The following TMEM232 variants were observed in gnomAD, a reference collection of about 807,000 sequenced individuals.
TMEM232 encodes the protein transmembrane protein 232.
A neutral mutation model predicts 78.8 loss-of-function variants in TMEM232; 80 were observed. That is an observed-to-expected ratio of 1.01 (90% CI 0.85 to 1.22). The LOEUF is 1.22. TMEM232 is among the 50% of genes most tolerant of loss of function. The pLI, the probability that TMEM232 is intolerant of heterozygous loss-of-function variation, is 0.00. For synonymous variants in TMEM232, 297 were observed against 254.3 expected (o/e 1.17, Z -1.60); for missense variants, 881 against 742.2 (o/e 1.19, Z -2.17).
intron 3 of TMEM232, among the ~76,000 whole-genome samples, chr5:110,392,359 A>G (rs991317945): frequency 1.3e-5 from 2 of 152,244 alleles, no homozygotes; most frequent in Non-Finnish European, 2.9e-5. Context: ...GTAAACGGAT[A>G]AAAATGATTT....
intron 11 of TMEM232, among the ~76,000 whole-genome samples, chr5:110,554,715 ATAGT>A: frequency 6.6e-6 from 1 of 152,126 alleles, no homozygotes; most frequent in Non-Finnish European, 1.5e-5. Context: ...ATTTTTTGGA[ATAGT>A]TTCAATATGA....
chr5:110,513,005 A>C (rs1581013405), intron 12 of TMEM232, among the ~76,000 whole-genome samples: 1 of 152,222 alleles, frequency 6.6e-6, no homozygotes, highest in Non-Finnish European at 1.5e-5. Flanking sequence ...TATAAGCATA[A>C]AGCTATGGCA....
intron 12 of TMEM232, among the ~76,000 whole-genome samples, chr5:110,500,721 AG>A (rs751913506): frequency 1.3e-5 from 2 of 152,206 alleles, no homozygotes; most frequent in East Asian, 1.9e-4. Flanking sequence ...GAATAATGAC[AG>A]CAAATTTTCA....
chr5:110,531,741 C>T (rs552356336), intron 11 of TMEM232, among the ~76,000 whole-genome samples: 3 of 152,242 alleles, frequency 2.0e-5, no homozygotes, highest in South Asian at 2.1e-4. Flanking sequence ...AATCAGATAG[C>T]GTTTAGGCTC....
At chr5:110,529,406 T>C (rs1470879943) in intron 11 of TMEM232, among the ~76,000 whole-genome samples, 2 of 152,058 alleles carry the variant, frequency 1.3e-5, no homozygotes, top group African/African-American at 2.4e-5. Flanking sequence ...CCATCACTCC[T>C]GGCTAATTTT....
At chr5:110,700,867 C>T (rs1419371732) in intron 1 of TMEM232, among the ~76,000 whole-genome samples, 1 of 151,790 alleles carries the variant, frequency 6.6e-6, no homozygotes, top group Non-Finnish European at 1.5e-5. Context: ...GACACAAGAG[C>T]TACCTTTTCT....
intron 11 of TMEM232, among the ~76,000 whole-genome samples, chr5:110,556,312 C>G (rs528400443): frequency 2.6e-5 from 4 of 151,408 alleles, no homozygotes; most frequent in Admixed American, 6.6e-5. Context: ...TCCTTCCTTC[C>G]TTTCTTCTTT....
At chr5:110,660,597 G>A (rs1226975563) in intron 2 of TMEM232, among the ~76,000 whole-genome samples, 2 of 151,984 alleles carry the variant, frequency 1.3e-5, no homozygotes, top group African/African-American at 2.4e-5. Flanking sequence ...TATAAAACAC[G>A]TAAGGTAGAA....
intron 11 of TMEM232, among the ~76,000 whole-genome samples, chr5:110,529,096 A>T (rs1771045117): frequency 6.6e-6 from 1 of 152,172 alleles, no homozygotes. Flanking sequence ...TTTTATTTTA[A>T]ATTTGATATA....
intron 12 of TMEM232, among the ~76,000 whole-genome samples, chr5:110,468,876 A>G (rs1443434063): frequency 6.6e-6 from 1 of 152,204 alleles, no homozygotes; most frequent in African/African-American, 2.4e-5. Flanking sequence ...AGAGTACTGG[A>G]ATATGTCAAA....
At chr5:110,657,166 C>A (rs1456379995) in intron 2 of TMEM232, among the ~76,000 whole-genome samples, 1 of 152,094 alleles carries the variant, frequency 6.6e-6, no homozygotes, top group Non-Finnish European at 1.5e-5. Flanking sequence ...TACGTTAGTA[C>A]AGCCATAATG....
At chr5:110,410,352 T>C (rs1013723347) in intron 2 of TMEM232, among the ~76,000 whole-genome samples, 28 of 152,232 alleles carry the variant, frequency 1.8e-4, no homozygotes, top group Non-Finnish European at 1.0e-4. Context: ...TCTCTCACTT[T>C]CCACAAATGT....
chr5:110,553,634 T>C (rs1774727254), intron 11 of TMEM232, among the ~76,000 whole-genome samples: 2 of 152,176 alleles, frequency 1.3e-5, no homozygotes, highest in South Asian at 2.1e-4. Context: ...AAATAGACTA[T>C]GGGGTTTTCT....
At chr5:110,456,453 T>C (rs1394413170) in intron 12 of TMEM232, among the ~76,000 whole-genome samples, 2 of 152,100 alleles carry the variant, frequency 1.3e-5, no homozygotes, top group Admixed American at 6.5e-5. Flanking sequence ...GTAAATATTG[T>C]GAAGATGTCA....
In TMEM232 at chr5:110,690,090, A is replaced by G. The variant is rs187347054; in HGVS notation, c.-12-22726T>C. Among the ~76,000 whole-genome samples, 690 of 152,296 alleles carry G rather than the reference A, an allele frequency of 4.5e-3. 6 individuals are homozygous for G. Among genetic ancestry groups the G allele is most frequent in the African/African-American group, 0.016 (654 of 41,570 alleles). On this transcript the variant is annotated intron_variant, in intron 1 of 13. Coordinates refer to ENST00000455884, the MANE Select transcript of TMEM232 (RefSeq NM_001039763.4). ...CATAGGCATGGGCAAAGGCTTCATG[A>G]CTAAAACACCAAAAGCAATGGCAAC...
intron 10 of TMEM232, among the ~76,000 whole-genome samples, chr5:110,591,702 G>GAAAAATTAAAT: frequency 6.6e-6 from 1 of 151,944 alleles, no homozygotes; most frequent in Non-Finnish European, 1.5e-5. Flanking sequence ...TAAATGCTTT[G>GAAAAATTAAAT]ATCTAGGATT....
rs1222597067 is a variant in TMEM232, at chr5:110,627,303, A to C, written c.601+478T>G. On this transcript the variant is annotated intron_variant, in intron 6 of 13. Transcript: ENST00000455884. The stretch of plus-strand genomic sequence containing the variant: ...ATTCAGGGAGGTAGATACTATTACA[A>C]ATAAGAAAACTGAGTCACAAAAAAG... 2.0e-5 allele frequency among the ~76,000 whole-genome samples: 3 copies of C among 152,050 alleles called. No homozygotes were observed. In the East Asian group the frequency reaches 5.8e-4, roughly 29 times the overall value.
At chr5:110,490,043 G>C (rs1324213892) in intron 12 of TMEM232, among the ~76,000 whole-genome samples, 3 of 151,672 alleles carry the variant, frequency 2.0e-5, no homozygotes, top group African/African-American at 7.3e-5. Context: ...AGAATTTCTT[G>C]AACCCAGGAG....
At chr5:110,717,703 T>C (rs1466136512) in intron 1 of TMEM232, among the ~76,000 whole-genome samples, 3 of 152,130 alleles carry the variant, frequency 2.0e-5, no homozygotes, top group Non-Finnish European at 4.4e-5. Flanking sequence ...GGGTGGTTTC[T>C]TCCATGCTGT....
Sources: allele counts gnomAD v4.1 joint callset (sites outside exome capture counted in the v4.1 genomes callset), GRCh38; gene constraint gnomAD v4.1.1; transcripts MANE v1.5; gene names NCBI Gene and HGNC (gene_info 2026-07-23, HGNC 2026-07-21).